MICAL3: variants seen among roughly 807,000 people sequenced by gnomAD.
The protein encoded by MICAL3 is microtubule associated monooxygenase, calponin and LIM domain containing 3.
A neutral mutation model predicts 207.4 loss-of-function variants in MICAL3; 62 were observed. The observed-to-expected ratio is 0.30, with a 90% CI of 0.24 to 0.37. The LOEUF (loss-of-function observed/expected upper bound fraction) is 0.37, where lower values mean the gene tolerates loss of function less well. MICAL3 is among the 10% of genes least tolerant of loss of function. The probability of loss-of-function intolerance (pLI) is 1.00; values close to 1 mark genes in which losing one functional copy is unlikely to be tolerated. For missense variants in MICAL3, 2,368 were observed against 2,635.6 expected (o/e 0.90, Z 2.22); for synonymous variants, 1,077 against 1,069.3 (o/e 1.01, Z -0.14).
intron 10 of MICAL3, among the ~76,000 whole-genome samples, chr22:17,894,457 C>T (rs1930655257): frequency 6.6e-6 from 1 of 150,658 alleles, no homozygotes. Context: ...CATGGAGGTC[C>T]CTCTAAGAGT....
In MICAL3 at chr22:17,900,171, G is replaced by A. The variant is rs2146255298; in HGVS notation, c.848-623C>T. ...AGGAAGAAGACTACATACTTAAAAG[G>A]CCTAAAGTCAGCTTCCCAAGCAAAC... On this transcript the variant is annotated intron_variant, in intron 6 of 31. Coordinates refer to ENST00000441493, the MANE Select transcript of MICAL3 (RefSeq NM_015241.3). This position sits in a 1 kb window ranked among gnomAD's most constrained non-coding sequence, Gnocchi z 4.0. Among the ~76,000 whole-genome samples the A allele has an allele frequency of 6.6e-6, 1 of 152,270 alleles. No individual in the cohort carries two copies.
At chr22:17,935,524 G>A (rs1933474428) in intron 1 of MICAL3, among the ~76,000 whole-genome samples, 1 of 152,168 alleles carries the variant, frequency 6.6e-6, no homozygotes, top group Non-Finnish European at 1.5e-5. Context: ...CATGGGCAAG[G>A]ACTTAATGAG....
chr22:17,853,168 A>G (rs1925516772), intron 19 of MICAL3, among the ~76,000 whole-genome samples: 2 of 152,174 alleles, frequency 1.3e-5, no homozygotes. Context: ...CTAGGGTGTC[A>G]TAGAATCAGT....
intron 1 of MICAL3, among the ~76,000 whole-genome samples, chr22:17,924,119 C>T (rs975179238): frequency 2.0e-5 from 3 of 152,190 alleles, no homozygotes; most frequent in Admixed American, 2.0e-4. Flanking sequence ...AATTACCTCC[C>T]ACCAGGTCCC....
chr22:17,873,834 T>C (rs2146173252), intron 16 of MICAL3, among the ~76,000 whole-genome samples: 1 of 152,176 alleles, frequency 6.6e-6, no homozygotes, highest in Non-Finnish European at 1.5e-5. Flanking sequence ...ACTCCCACGA[T>C]CAAATCACCC....
At chr22:17,933,063 G>C (rs962193904) in intron 1 of MICAL3, among the ~76,000 whole-genome samples, 1 of 152,144 alleles carries the variant, frequency 6.6e-6, no homozygotes, top group Non-Finnish European at 1.5e-5. Context: ...ACAGATCAAC[G>C]AGACAGAAGG....
At chr22:17,828,287 C>T (rs1418306316) in intron 21 of MICAL3, among the ~76,000 whole-genome samples, 4 of 152,220 alleles carry the variant, frequency 2.6e-5, no homozygotes, top group Admixed American at 6.5e-5. Context: ...GGCCAGGTGA[C>T]GAGAGAGGTG....
chr22:17,811,938 G>A (rs432775), intron 27 of MICAL3, among the ~76,000 whole-genome samples: 59,206 of 151,602 alleles, frequency 0.39, 12,318 homozygotes, highest in African/African-American at 0.56. Context: ...TTGCAGAGAC[G>A]GGATCTCGTT....
rs1451997392 is a variant in MICAL3, at chr22:17,902,925, A to AAT, written c.473-180_473-179dup. The stretch of plus-strand genomic sequence containing the variant: ...GTAACTTCTTCCTTTCTTAAAGGCA[A>AAT]ATATAACCCAGTGGAAGAGCTGTTC... On this transcript the variant is annotated intron_variant, in intron 3 of 31. Transcript: ENST00000441493. This position sits in a 1 kb window ranked among gnomAD's most constrained non-coding sequence, Gnocchi z 4.5. 1.2e-4 allele frequency among the ~76,000 whole-genome samples: 18 copies of AAT among 152,324 alleles called. 1 individual carries two copies. The East Asian group carries it at 3.5e-3, about 29-fold the overall frequency.
chr22:18,018,768 C>CTACACACACACACACATACACACA (rs1556565371), intron 1 of MICAL3, among the ~76,000 whole-genome samples: 10 of 138,164 alleles, frequency 7.2e-5, no homozygotes, highest in African/African-American at 2.4e-4. Flanking sequence ...ATCTATCTAT[C>CTACACACACACACACATACACACA]TACACACACA....
chr22:17,789,312 A>AT lies in MICAL3; in HGVS notation c.*1419dup. The AT allele has an allele frequency of 6.6e-6, 1 of 152,340 alleles. No homozygotes were observed. The highest frequency in any genetic ancestry group is 1.9e-4 in the East Asian group (1 of 5,188). The allele number at this position is 152,340 out of a possible 1,614,324, so 9.4% of individuals were successfully genotyped here. A position where few individuals can be genotyped will look rare whatever the true frequency, so the allele number is the denominator to read the frequency against. On this transcript the variant is annotated 3_prime_UTR_variant, in exon 32 of 32. Transcript: ENST00000441493. ...GGAGGGAATTCTCACCAGCCACATG[A>AT]TTCCAGGGTCCCACCTTGCACCCTC... is the stretch of plus-strand genomic sequence containing the variant.
intron 2 of MICAL3, among the ~76,000 whole-genome samples, chr22:17,905,586 T>G (rs1442425875): frequency 6.6e-6 from 1 of 152,200 alleles, no homozygotes; most frequent in Non-Finnish European, 1.5e-5. Context: ...CTGATGAATA[T>G]CTACCCAAAT....
intron 1 of MICAL3, among the ~76,000 whole-genome samples, chr22:18,015,144 G>A (rs999601358): frequency 5.3e-5 from 8 of 152,116 alleles, no homozygotes; most frequent in South Asian, 4.1e-4. Flanking sequence ...ACTACCTGCC[G>A]TAAGCAAGGA....
At chr22:17,891,324 T>C (rs1930379875) in intron 12 of MICAL3, among the ~76,000 whole-genome samples, 161 bp downstream of exon 12, 1 of 152,040 alleles carries the variant, frequency 6.6e-6, no homozygotes, top group South Asian at 2.1e-4. Context: ...ATACATGACA[T>C]ACAGAGTTTC....
intron 29 of MICAL3, among the ~76,000 whole-genome samples, chr22:17,799,910 AACAC>A (rs142697311): frequency 1.4e-5 from 2 of 146,624 alleles, no homozygotes; most frequent in Non-Finnish European, 3.0e-5. Flanking sequence ...AAAACACACA[AACAC>A]ACACACACAC....
At chr22:17,982,594 C>T (rs1260230142) in intron 1 of MICAL3, among the ~76,000 whole-genome samples, 1 of 151,918 alleles carries the variant, frequency 6.6e-6, no homozygotes, top group African/African-American at 2.4e-5. Flanking sequence ...TCGCTTGAAC[C>T]AAGGAGGCAG....
intron 29 of MICAL3, among the ~76,000 whole-genome samples, chr22:17,805,601 G>A (rs2061981726): frequency 6.6e-6 from 1 of 152,246 alleles, no homozygotes; most frequent in Admixed American, 6.5e-5. Flanking sequence ...CACTACGACA[G>A]TGGTTTTCAA....
At chr22:17,887,141 A>T (rs766564099) in intron 15 of MICAL3, 29 bp downstream of exon 15, 1 of 1,592,418 alleles carries the variant, frequency 6.3e-7, no homozygotes, top group Non-Finnish European at 8.6e-7. Context: ...CCACATGACC[A>T]TTCTAGCAAT....
At chr22:17,861,899 A>C (rs1926555823) in intron 19 of MICAL3, 1 of 985,252 alleles carries the variant, frequency 1.0e-6, no homozygotes, top group Admixed American at 6.1e-5. Context: ...GGTTCTTTGA[A>C]CTGCAGGTTG....
Sources: gnomAD v4.1 joint callset for allele counts (sites outside exome capture counted in the v4.1 genomes callset) on GRCh38, gnomAD v4.1.1 for gene constraint, Gnocchi (gnomAD v3.1) non-coding constraint, MANE v1.5 for transcripts, NCBI Gene and HGNC (gene_info 2026-07-23, HGNC 2026-07-21) for gene names.